ASMTL: variants seen among roughly 807,000 people sequenced by gnomAD.
ASMTL encodes probable bifunctional dTTP/UTP pyrophosphatase/methyltransferase protein.
A neutral mutation model predicts 60.3 loss-of-function variants in ASMTL; 57 were observed. The observed-to-expected ratio is 0.95, with a 90% CI of 0.76 to 1.18. The LOEUF (loss-of-function observed/expected upper bound fraction) is 1.18, where lower values mean the gene tolerates loss of function less well. Among genes scored for constraint, ASMTL ranks in the 50% most tolerant of loss-of-function variants. ASMTL has a pLI of 0.00. For synonymous variants in ASMTL, 419 were observed against 373.0 expected (o/e 1.12, Z -1.42); for missense variants, 981 against 852.6 (o/e 1.15, Z -1.88).
Position 1,418,981 on chromosome X carries a change from C to G in ASMTL, c.1378+1G>C, listed in dbSNP as rs1221237374. The G allele has an allele frequency of 1.2e-6, 2 of 1,611,866 alleles. No homozygotes were observed. The highest frequency in any genetic ancestry group is 3.3e-5 in the Admixed American group (2 of 60,004). On this transcript the variant is annotated splice_donor_variant, in intron 10 of 12. Coordinates refer to ENST00000381317, the MANE Select transcript of ASMTL (RefSeq NM_004192.4). LOFTEE classifies it high-confidence loss of function. Reference sequence around the variant, plus strand: ...AGAGCCCTGGCGGGGGGGCCACCCACCTCCCACGTCGCAGGCGGAGGAGAA... The same window carrying G: ...AGAGCCCTGGCGGGGGGGCCACCCAGCTCCCACGTCGCAGGCGGAGGAGAA...
rs1468479907 is a variant in ASMTL at position 1,403,700 on chromosome X, A to AGATG, written c.1646-215_1646-212dup. Reference sequence around the variant, plus strand: ...ACAGGGAGAAGGAGATTTGATCGAAAGATGGATGGATAGATGGATGCATCA... The same window carrying AGATG: ...ACAGGGAGAAGGAGATTTGATCGAAAGATGGATGGATGGATAGATGGATGCATCA... On this transcript the variant is annotated intron_variant, in intron 12 of 12. Coordinates refer to ENST00000381317, the MANE Select transcript of ASMTL (RefSeq NM_004192.4). 1.2e-5 allele frequency: 7 copies of AGATG among 601,916 alleles called. No individual in the cohort carries two copies. The African/African-American group carries it at 1.3e-4, about 11-fold the overall frequency. The allele number at this position is 601,916 out of a possible 1,614,324, so 37.3% of individuals were successfully genotyped here. A position where few individuals can be genotyped will look rare whatever the true frequency, so the allele number is the denominator to read the frequency against.
intron 11 of ASMTL, 80 bp downstream of exon 11, chrX:1,417,891 GCA>G: frequency 6.6e-7 from 1 of 1,508,892 alleles, no homozygotes; most frequent in Non-Finnish European, 8.9e-7. Context: ...AAACACAGGT[GCA>G]CACACAGCCA....
intron 12 of ASMTL, among the ~76,000 whole-genome samples, chrX:1,411,298 C>A (rs191405957): frequency 3.3e-5 from 5 of 152,172 alleles, no homozygotes; most frequent in African/African-American, 1.2e-4. Flanking sequence ...TGTTTCAACG[C>A]GCAGGTGCCA....
chrX:1,443,107 T>C (rs372490835), intron 1 of ASMTL, among the ~76,000 whole-genome samples: 191 of 67,158 alleles, frequency 2.8e-3, no homozygotes, highest in South Asian at 4.4e-3. Flanking sequence ...ACACACACCG[T>C]CGTCGTGGAC....
At chrX:1,453,247 A>T (rs1235588549), upstream of ASMTL, among the ~76,000 whole-genome samples, 1 of 121,924 alleles carries the variant, frequency 8.2e-6, no homozygotes, top group African/African-American at 3.1e-5. Context: ...CCGCCAGGCC[A>T]CGCCCAGGCC....
intron 6 of ASMTL, among the ~76,000 whole-genome samples, chrX:1,431,313 T>C (rs1477769364): frequency 2.1e-4 from 28 of 131,528 alleles, no homozygotes; most frequent in African/African-American, 7.8e-4. Flanking sequence ...TATAAAATTA[T>C]ATATTTTATA....
chrX:1,410,567 C>A (rs1409535176), intron 12 of ASMTL, among the ~76,000 whole-genome samples: 1 of 152,100 alleles, frequency 6.6e-6, no homozygotes, highest in Admixed American at 6.6e-5. Flanking sequence ...GCGTGCACCA[C>A]TACGCCGGAC....
chrX:1,403,654 G>C, intron 12 of ASMTL, 165 bp from the exon 13 acceptor site: 1 of 629,570 alleles, frequency 1.6e-6, no homozygotes, highest in Non-Finnish European at 2.8e-6. Context: ...GAGAGACAGA[G>C]ACTTGATGCA....
At chrX:1,449,243 C>CT (rs1167529529) in intron 1 of ASMTL, among the ~76,000 whole-genome samples, 4 of 151,994 alleles carry the variant, frequency 2.6e-5, no homozygotes, top group African/African-American at 7.3e-5. Flanking sequence ...AGCTGCTTTT[C>CT]TTTTTTCGTC....
intron 12 of ASMTL, among the ~76,000 whole-genome samples, chrX:1,410,559 G>A (rs188310252): frequency 8.1e-4 from 123 of 152,118 alleles, no homozygotes; most frequent in African/African-American, 2.7e-3. Flanking sequence ...AATTAGAGGC[G>A]TGCACCACTA....
intron 11 of ASMTL, 138 bp downstream of exon 11, chrX:1,417,835 C>T (rs57604895): frequency 0.11 from 116,999 of 1,081,342 alleles, 7,407 homozygotes; most frequent in Admixed American, 0.15. Flanking sequence ...GCACCGTAGA[C>T]AGTCCCATTT....
intron 3 of ASMTL, among the ~76,000 whole-genome samples, chrX:1,437,853 T>A (rs1342801646): frequency 3.5e-5 from 5 of 143,342 alleles, no homozygotes; most frequent in African/African-American, 1.1e-4. Flanking sequence ...GCTGAGATCA[T>A]GCCACTACAG....
intron 1 of ASMTL, among the ~76,000 whole-genome samples, chrX:1,449,332 T>C (rs182345623): frequency 0.034 from 5,160 of 151,998 alleles, 97 homozygotes; most frequent in South Asian, 0.057. Context: ...ACGCCCATCC[T>C]GGTCTTCAGG....
At position 1,427,593 on chromosome X, in the gene ASMTL, C is replaced by A. The variant is rs1282398850; in HGVS notation, c.897+141G>T. The A allele has an allele frequency of 4.5e-6, 4 of 882,204 alleles. No individual in the cohort carries two copies. The East Asian group carries it at 7.5e-5, about 17-fold the overall frequency. 54.6% of individuals were successfully genotyped at this position (882,204 alleles called of 1,614,324 possible). A position where few individuals can be genotyped will look rare whatever the true frequency, so the allele number is the denominator to read the frequency against. ...AGGCAGGAAGGACCCTCTCCTAGAA[C>A]CTTCGGAGAAAGCATGGCCCTGAGA... is the stretch of plus-strand genomic sequence containing the variant. On this transcript the variant is annotated intron_variant, in intron 7 of 12. Transcript: ENST00000381317.
intron 12 of ASMTL, 96 bp downstream of exon 12, chrX:1,412,636 G>T (rs1400235744): frequency 1.3e-6 from 2 of 1,546,252 alleles, no homozygotes; most frequent in South Asian, 1.1e-5. Flanking sequence ...GCGCTGGGAT[G>T]ACAGGCGTGA....
At chrX:1,407,777 A>G (rs1391745605) in intron 12 of ASMTL, among the ~76,000 whole-genome samples, 3 of 151,892 alleles carry the variant, frequency 2.0e-5, no homozygotes, top group Admixed American at 6.6e-5. Flanking sequence ...GACAGGGTGG[A>G]GAGAGGGAGG....
rs367857010 is a variant in ASMTL, at chrX:1,418,116, C to G, written c.1379G>C (p.Gly460Ala). 8 of 1,596,098 alleles carry G rather than the reference C, an allele frequency of 5.0e-6. No individual in the cohort carries two copies. Among genetic ancestry groups the G allele is most frequent in the Non-Finnish European group, 6.8e-6 (8 of 1,169,168 alleles). The stretch of plus-strand genomic sequence containing the variant: ...CTCTCGGGCCAGTGCACCCGTGCAG[C>G]CTGCGGGGAAGCAAATGCATGCTCT... ...SRFSSACDVG[G>A]CTGALARELA... The change falls in exon 11 of 13, where the codon GGC becomes GCC. Residue 460 changes from glycine to alanine, a missense_variant and splice_region_variant. Coordinates refer to ENST00000381317, the MANE Select transcript of ASMTL (RefSeq NM_004192.4).
chrX:1,446,328 C>G (rs2091230031), intron 1 of ASMTL, among the ~76,000 whole-genome samples: 1 of 151,848 alleles, frequency 6.6e-6, no homozygotes, highest in Admixed American at 6.6e-5. Flanking sequence ...ATCAGCGCAG[C>G]CTGGCATTCG....
chrX:1,419,211 G>A lies in ASMTL; in HGVS notation c.1246-97C>T, dbSNP rs1349221076. 5 of 1,419,782 alleles carry A rather than the reference G, an allele frequency of 3.5e-6. No individual in the cohort carries two copies. In the African/African-American group the frequency reaches 5.6e-5, roughly 16 times the overall value. The allele number at this position is 1,419,782 out of a possible 1,614,324, so 87.9% of individuals were successfully genotyped here. A position where few individuals can be genotyped will look rare whatever the true frequency, so the allele number is the denominator to read the frequency against. On this transcript the variant is annotated intron_variant, in intron 9 of 12. Transcript: ENST00000381317. ...TCGGGGGGAGAAGTGCAGGGCTCCA[G>A]AGCGTGGGGGCTCAGCCGCGCCTGG...
Sources: allele counts gnomAD v4.1 joint callset (sites outside exome capture counted in the v4.1 genomes callset), GRCh38; gene constraint gnomAD v4.1.1; transcripts MANE v1.5; gene names NCBI Gene and HGNC (gene_info 2026-07-23, HGNC 2026-07-21).